Variants in FAM153A observed in about 807,000 individuals in gnomAD.
The protein encoded by FAM153A is protein FAM153A.
A neutral mutation model predicts 48.1 loss-of-function variants in FAM153A; 12 were observed. The ratio of observed to expected loss-of-function variants is 0.25; its 90% confidence interval spans 0.16 to 0.40. FAM153A has a LOEUF of 0.40. Among genes scored for constraint, FAM153A ranks in the 10% least tolerant of loss-of-function variants. The pLI is 1.00. For synonymous variants in FAM153A, 36 were observed against 118.2 expected, an observed-to-expected ratio of 0.30 and a Z score of 4.51; for missense variants, 111 against 345.8, an observed-to-expected ratio of 0.32 and a Z score of 5.38.
intron 6 of FAM153A, among the ~76,000 whole-genome samples, chr5:177,743,234 GAAAC>G (rs1765603916): frequency 1.1e-5 from 1 of 88,694 alleles, no homozygotes; most frequent in Admixed American, 1.3e-4. Context: ...ACAGCCTTCA[GAAAC>G]AAACAAGCAC....
downstream of FAM153A, among the ~76,000 whole-genome samples, chr5:177,705,956 C>A (rs1757849066): frequency 1.3e-5 from 2 of 151,384 alleles, no homozygotes. Flanking sequence ...CCGCGCCCAG[C>A]CTAGAAAACA....
intron 10 of FAM153A, among the ~76,000 whole-genome samples, chr5:177,737,444 T>G (rs1764845419): frequency 6.6e-6 from 1 of 150,986 alleles, no homozygotes; most frequent in South Asian, 2.1e-4. Flanking sequence ...TGCCCTCCCT[T>G]CTTGATCCCC....
upstream of FAM153A, among the ~76,000 whole-genome samples, chr5:177,757,962 T>G (rs1172484269): frequency 2.0e-5 from 3 of 151,988 alleles, no homozygotes; most frequent in Non-Finnish European, 4.4e-5. Flanking sequence ...AACATAGTGT[T>G]GGAAGTTCTG....
chr5:177,759,730 C>T (rs1051704474), intron 1 of FAM153A, among the ~76,000 whole-genome samples: 1 of 150,962 alleles, frequency 6.6e-6, no homozygotes, highest in Non-Finnish European at 1.5e-5. Flanking sequence ...AACCAAATAC[C>T]ACATGTTCTC....
chr5:177,709,257 CT>C (rs59687881), downstream of FAM153A, among the ~76,000 whole-genome samples: 28,294 of 115,922 alleles, frequency 0.24, 2,391 homozygotes, highest in Admixed American at 0.33. Context: ...AAAAAGGAAT[CT>C]TTTTTTTTTT....
At chr5:177,696,506 T>C in the FAM153A span, among the ~76,000 whole-genome samples, 7 of 151,764 alleles carry the variant, frequency 4.6e-5, no homozygotes, top group Non-Finnish European at 7.4e-5. Context: ...TGCATGTGAA[T>C]ATTGTCCCAC....
At chr5:177,759,783 G>A (rs1283504910) in intron 1 of FAM153A, among the ~76,000 whole-genome samples, 1 of 151,054 alleles carries the variant, frequency 6.6e-6, no homozygotes, top group South Asian at 2.1e-4. Context: ...ATGCACACAG[G>A]AAGGGGAGCA....
chr5:177,711,117 G>A (rs1758401794), exon 27 of FAM153A: 1 of 151,872 alleles, frequency 6.6e-6, no homozygotes, highest in African/African-American at 2.4e-5. Context: ...ACACATATGT[G>A]TGTATACTGT....
At chr5:177,764,375 C>A (rs1445090975) in intron 1 of FAM153A, among the ~76,000 whole-genome samples, 1 of 151,508 alleles carries the variant, frequency 6.6e-6, no homozygotes, top group African/African-American at 2.4e-5. Context: ...CTGGGCTGGG[C>A]CCAAGTGAGG....
downstream of FAM153A, among the ~76,000 whole-genome samples, chr5:177,710,633 TG>T (rs1416677309): frequency 1.6e-3 from 235 of 145,994 alleles, 2 homozygotes; most frequent in African/African-American, 5.5e-3. Context: ...CCTGTATGGC[TG>T]GGTGCAATGG....
downstream of FAM153A, among the ~76,000 whole-genome samples, chr5:177,706,114 C>G (rs367841769): frequency 5.3e-5 from 8 of 151,772 alleles, no homozygotes; most frequent in Admixed American, 4.6e-4. Context: ...CAAGTGGACC[C>G]AGTAGAAATA....
chr5:177,738,581 T>G (rs563668975), intron 10 of FAM153A, among the ~76,000 whole-genome samples: 1 of 151,430 alleles, frequency 6.6e-6, no homozygotes, highest in African/African-American at 2.5e-5. Context: ...GGCATCAACC[T>G]TCCACCCACT....
chr5:177,696,816 GCCATCGTGC>G, the FAM153A span, among the ~76,000 whole-genome samples: 1 of 151,526 alleles, frequency 6.6e-6, no homozygotes, highest in African/African-American at 2.4e-5. Context: ...ATAAGCATGA[GCCATCGTGC>G]CCAGCCTGTC....
chr5:177,709,816 C>T (rs1233978392), downstream of FAM153A, among the ~76,000 whole-genome samples: 2 of 121,712 alleles, frequency 1.6e-5, no homozygotes, highest in African/African-American at 6.3e-5. Flanking sequence ...GGACTGCAGG[C>T]ACCTGCCACC....
chr5:177,705,780 C>A (rs1757831068), downstream of FAM153A, among the ~76,000 whole-genome samples: 1 of 149,212 alleles, frequency 6.7e-6, no homozygotes, highest in Non-Finnish European at 1.5e-5. Context: ...CTGCCTCAGC[C>A]TCCCCAGTAG....
rs959759117 is a variant in FAM153A, at chr5:177,759,789, G to A, written c.-56-11090C>T. ...TGAGAACACATGCACACAGGAAGGGGAGCATCACACACCGGGGCCTGTTGT... is the reference window on the plus strand; with the variant it reads ...TGAGAACACATGCACACAGGAAGGGAAGCATCACACACCGGGGCCTGTTGT... On this transcript the variant is annotated intron_variant, in intron 1 of 8. Transcript: ENST00000393518. Among the ~76,000 whole-genome samples, 5 of 150,870 alleles carry A rather than the reference G, an allele frequency of 3.3e-5. 1 individual carries two copies. Among genetic ancestry groups the A allele is most frequent in the African/African-American group, 1.2e-4 (5 of 40,502 alleles).
At chr5:177,771,318 G>T (rs1769098275) in intron 1 of FAM153A, among the ~76,000 whole-genome samples, 1 of 96,972 alleles carries the variant, frequency 1.0e-5, no homozygotes, top group Non-Finnish European at 2.1e-5. Flanking sequence ...TCACTGAAAG[G>T]TTAAAGAGAT....
Position 177,759,237 on chromosome 5 carries a change from T to C in FAM153A, c.-56-10538A>G, listed in dbSNP as rs528007513. Among the ~76,000 whole-genome samples the C allele has an allele frequency of 1.6e-4, 25 of 151,942 alleles. 1 individual carries two copies. Among genetic ancestry groups the C allele is most frequent in the Admixed American group, 7.2e-4 (11 of 15,276 alleles). On this transcript the variant is annotated intron_variant, in intron 1 of 8. Coordinates refer to the FAM153A transcript ENST00000393518. ...AAAAAATGCTCATCATCACTGGCCA[T>C]CAGAGAAATGCAAATCAAAACCACA... is the stretch of plus-strand genomic sequence containing the variant.
exon 27 of FAM153A, chr5:177,712,612 A>G (rs1252430993): frequency 6.6e-6 from 1 of 151,758 alleles, no homozygotes; most frequent in African/African-American, 2.4e-5. Flanking sequence ...TTACTGATTG[A>G]GAAATGTACA....
Sources: gnomAD v4.1 joint callset for allele counts (sites outside exome capture counted in the v4.1 genomes callset) on GRCh38, gnomAD v4.1.1 for gene constraint, MANE v1.5 for transcripts, NCBI Gene and HGNC (gene_info 2026-07-23, HGNC 2026-07-21) for gene names.